The following PDE1C variants were observed in gnomAD, a reference collection of about 807,000 sequenced individuals.
PDE1C encodes the protein dual specificity calcium/calmodulin-dependent 3',5'-cyclic nucleotide phosphodiesterase 1C.
A neutral mutation model predicts 93.1 loss-of-function variants in PDE1C; 62 were observed. That is an observed-to-expected ratio of 0.67 (90% CI 0.54 to 0.82). The LOEUF (loss-of-function observed/expected upper bound fraction) is 0.82, where lower values mean the gene tolerates loss of function less well. Among genes scored for constraint, PDE1C ranks in the 40% least tolerant of loss-of-function variants. PDE1C has a pLI of 0.00. For synonymous variants in PDE1C, 325 were observed against 310.1 expected, an observed-to-expected ratio of 1.05 and a Z score of -0.50; for missense variants, 742 against 884.6, an observed-to-expected ratio of 0.84 and a Z score of 2.04.
chr7:31,775,197 A>G lies in PDE1C; in HGVS notation c.1960+467T>C, dbSNP rs376858764. ...ATGAGCACTATGTCAATACTGGGCT[A>G]AATTTACAAGCATTATTTCTAATTC... On this transcript the variant is annotated intron_variant, in intron 17 of 17. Transcript: ENST00000396191. Among the ~76,000 whole-genome samples the G allele has an allele frequency of 1.2e-4, 19 of 152,336 alleles. No individual in the cohort carries two copies. The East Asian group carries it at 1.7e-3, about 14-fold the overall frequency.
At chr7:31,661,244 A>G in the PDE1C span, among the ~76,000 whole-genome samples, 2 of 152,198 alleles carry the variant, frequency 1.3e-5, no homozygotes, top group Admixed American at 1.3e-4. Flanking sequence ...ATATAAAACA[A>G]TGTCAATTAG....
chr7:31,962,247 C>A (rs750212843), intron 2 of PDE1C, among the ~76,000 whole-genome samples: 9 of 152,194 alleles, frequency 5.9e-5, no homozygotes, highest in Non-Finnish European at 8.8e-5. Flanking sequence ...ACTGTTAAGA[C>A]CTCTTTACCT....
the PDE1C span, among the ~76,000 whole-genome samples, chr7:31,621,215 T>G: frequency 6.6e-6 from 1 of 151,992 alleles, no homozygotes; most frequent in Non-Finnish European, 1.5e-5. Flanking sequence ...TTCCCCAATC[T>G]AGCAAGGCAG....
At chr7:31,846,506 G>A (rs942032385) in intron 9 of PDE1C, among the ~76,000 whole-genome samples, 3 of 151,916 alleles carry the variant, frequency 2.0e-5, no homozygotes, top group African/African-American at 7.3e-5. Flanking sequence ...CTTAAAGTAA[G>A]ACCTAAAACC....
chr7:31,695,414 A>G, the PDE1C span: 1 of 1,504,022 alleles, frequency 6.6e-7, no homozygotes, highest in South Asian at 1.3e-5. Flanking sequence ...ACAGTTTGTG[A>G]CTGGATCCTT....
chr7:32,212,462 C>T (rs1357585559), intron 1 of PDE1C, among the ~76,000 whole-genome samples: 4 of 152,182 alleles, frequency 2.6e-5, no homozygotes, highest in African/African-American at 9.7e-5. Flanking sequence ...TCCCTACAAA[C>T]ATACCCAATG....
intron 2 of PDE1C, among the ~76,000 whole-genome samples, chr7:31,983,629 A>T (rs968941226): frequency 2.0e-5 from 3 of 152,122 alleles, no homozygotes; most frequent in Admixed American, 6.6e-5. Flanking sequence ...AAAAATAATA[A>T]TTTTTTTTAA....
chr7:31,665,832 A>G, the PDE1C span, among the ~76,000 whole-genome samples: 4 of 152,176 alleles, frequency 2.6e-5, no homozygotes, highest in African/African-American at 9.7e-5. Flanking sequence ...TATAGATAAT[A>G]TATACTTTGA....
At chr7:31,970,133 A>C (rs914523387) in intron 2 of PDE1C, among the ~76,000 whole-genome samples, 1 of 152,196 alleles carries the variant, frequency 6.6e-6, no homozygotes, top group African/African-American at 2.4e-5. Context: ...CCTAAAACTC[A>C]AAGTATAATA....
intron 17 of PDE1C, among the ~76,000 whole-genome samples, chr7:31,770,878 T>C (rs1795446492): frequency 6.6e-6 from 1 of 152,230 alleles, no homozygotes; most frequent in Admixed American, 6.5e-5. Context: ...TGGTGTAAAG[T>C]CTTCAGGACT....
intron 2 of PDE1C, among the ~76,000 whole-genome samples, chr7:32,013,636 A>C (rs2128593254): frequency 6.6e-6 from 1 of 152,310 alleles, no homozygotes; most frequent in Admixed American, 6.5e-5. Context: ...AACATCTCCA[A>C]ATAAGGAAAG....
rs1471986513 is a variant in PDE1C at position 32,311,046 on chromosome 7, C to T, written c.311-101507G>A. The stretch of plus-strand genomic sequence containing the variant: ...AGAAAAGAGAGAAGAATCAAATAGA[C>T]GCAATAAAAAATGATAAAGAAGATA... On this transcript the variant is annotated intron_variant, in intron 1 of 1. Transcript: ENST00000672256. Among the ~76,000 whole-genome samples, 11 of 152,066 alleles carry T rather than the reference C, an allele frequency of 7.2e-5. No individual in the cohort carries two copies. In the East Asian group the frequency reaches 7.7e-4, roughly 11 times the overall value.
chr7:32,390,191 T>C (rs1203467612), intron 1 of PDE1C, among the ~76,000 whole-genome samples: 1 of 152,072 alleles, frequency 6.6e-6, no homozygotes, highest in Middle Eastern at 3.2e-3. Context: ...TACACACATA[T>C]ACAGAATAAT....
intron 3 of PDE1C, among the ~76,000 whole-genome samples, chr7:32,082,193 G>C (rs1335756707): frequency 6.6e-6 from 1 of 152,262 alleles, no homozygotes; most frequent in Admixed American, 6.5e-5. Context: ...TTAAAAAACG[G>C]TGCACCAGGA....
chr7:32,326,523 G>A (rs1368234836), intron 1 of PDE1C, among the ~76,000 whole-genome samples: 8 of 152,208 alleles, frequency 5.3e-5, no homozygotes, highest in Admixed American at 4.6e-4. Context: ...ACCAGGTGAA[G>A]AAGGAAAGAG....
chr7:31,732,637 T>C, the PDE1C span, among the ~76,000 whole-genome samples: 3 of 51,390 alleles, frequency 5.8e-5, no homozygotes, highest in African/African-American at 2.3e-4. Flanking sequence ...CTCCTCTCTT[T>C]CTGTGTGTGT....
At chr7:31,628,130 C>A in the PDE1C span, among the ~76,000 whole-genome samples, 532 of 152,298 alleles carry the variant, frequency 3.5e-3, 1 homozygote, top group African/African-American at 0.012. Flanking sequence ...AAAGAGCTCT[C>A]ACAATAAAGG....
chr7:31,688,233 G>A, the PDE1C span, among the ~76,000 whole-genome samples: 2 of 152,164 alleles, frequency 1.3e-5, no homozygotes, highest in Non-Finnish European at 2.9e-5. Flanking sequence ...CCATTTAACA[G>A]ATTTGAAAAC....
chr7:31,889,134 G>T (rs1464031598), intron 2 of PDE1C, among the ~76,000 whole-genome samples: 4 of 152,144 alleles, frequency 2.6e-5, no homozygotes, highest in African/African-American at 9.7e-5. Flanking sequence ...AAGTCATTTG[G>T]TGGAAACCGA....
Sources: gnomAD v4.1 joint callset for allele counts (sites outside exome capture counted in the v4.1 genomes callset) on GRCh38, gnomAD v4.1.1 for gene constraint, MANE v1.5 for transcripts, NCBI Gene and HGNC (gene_info 2026-07-23, HGNC 2026-07-21) for gene names.